The following PDE7A variants were observed in gnomAD, a reference collection of about 807,000 sequenced individuals.
PDE7A encodes the protein high affinity 3',5'-cyclic-AMP phosphodiesterase 7A.
In PDE7A, 39 loss-of-function variants were observed where a neutral mutation model predicts 64.3. The ratio of observed to expected loss-of-function variants is 0.61; its 90% confidence interval spans 0.47 to 0.79. The LOEUF is 0.79. Ranked by LOEUF, PDE7A falls within the 30% of genes least tolerant of loss-of-function variation. PDE7A has a pLI of 0.00. For synonymous variants in PDE7A, 203 were observed against 206.8 expected (o/e 0.98, Z 0.16); for missense variants, 470 against 582.8 (o/e 0.81, Z 1.99).
At chr8:65,814,503 T>A in intron 1 of PDE7A, among the ~76,000 whole-genome samples, 1 of 79,524 alleles carries the variant, frequency 1.3e-5, no homozygotes, top group East Asian at 4.0e-4. Context: ...AGAGCGAGAC[T>A]CCGTCTCAAA....
intron 6 of PDE7A, among the ~76,000 whole-genome samples, chr8:65,736,792 T>TG (rs1387381108): frequency 6.8e-6 from 1 of 147,076 alleles, no homozygotes; most frequent in Non-Finnish European, 1.5e-5. Flanking sequence ...ATTTATCTGT[T>TG]TTTTTTTTTT....
chr8:65,745,433 A>G lies in PDE7A; in HGVS notation c.473T>C (p.Ile158Thr). 2.5e-6 allele frequency: 4 copies of G among 1,574,136 alleles called. No individual in the cohort carries two copies. The highest frequency in any genetic ancestry group is 3.5e-6 in the Non-Finnish European group (4 of 1,143,640). Reference protein sequence around the residue: ...LEKVGNWNFDIFLFDRLTNGN... With the variant: ...LEKVGNWNFDTFLFDRLTNGN... The stretch of plus-strand genomic sequence containing the variant: ...ATTTGTTAGTCTATCAAATAGAAAG[A>G]TATCAAAATTCCAATTTCCAACTTT... Residue 158 changes from isoleucine to threonine, a missense_variant, in exon 5 of 13, where the codon ATC (isoleucine) becomes ACC (threonine). Coordinates refer to ENST00000401827, the MANE Select transcript of PDE7A (RefSeq NM_001242318.3).
At chr8:65,841,333 G>T in intron 1 of PDE7A, 38 bp downstream of exon 1, 1 of 1,482,216 alleles carries the variant, frequency 6.7e-7, no homozygotes, top group Non-Finnish European at 9.0e-7. Flanking sequence ...AAACAAAAGA[G>T]AGAAGCCCTC....
Position 65,727,175 on chromosome 8 carries a change from AT to A in PDE7A, c.822del (p.Leu274PhefsTer20). On this transcript the variant is annotated frameshift_variant, in exon 8 of 13. Transcript: ENST00000401827. LOFTEE classifies it high-confidence loss of function. ...GATGATAAAATTGCACTAACCTTGT[AT>A]AAAGTTGCCAAGTAATGGTTAGTTT... ...LIKTNHYLAT[L>X]YKNTSVLENH... is the part of the protein sequence containing the mutation. The A allele has an allele frequency of 6.4e-7, 1 of 1,574,306 alleles. No individual in the cohort carries two copies. The highest frequency in any genetic ancestry group is 8.7e-7 in the Non-Finnish European group (1 of 1,144,370).
chr8:65,796,106 AAAATAAAT>A (rs201229683), intron 1 of PDE7A, among the ~76,000 whole-genome samples: 1 of 151,520 alleles, frequency 6.6e-6, no homozygotes, highest in Non-Finnish European at 1.5e-5. Flanking sequence ...CAAAAGCCAA[AAAATAAAT>A]AAATAAATAA....
intron 1 of PDE7A, among the ~76,000 whole-genome samples, chr8:65,824,647 A>G (rs961125160): frequency 2.6e-5 from 4 of 152,236 alleles, no homozygotes; most frequent in Non-Finnish European, 5.9e-5. Flanking sequence ...CCATCAACTG[A>G]GGCAAGACCC....
At chr8:65,758,004 T>C (rs1808317982) in intron 3 of PDE7A, among the ~76,000 whole-genome samples, 1 of 152,098 alleles carries the variant, frequency 6.6e-6, no homozygotes. Flanking sequence ...TAGTCCTCCT[T>C]TTCTCCACTT....
At chr8:65,767,419 G>A (rs762014758) in intron 3 of PDE7A, among the ~76,000 whole-genome samples, 1 of 152,166 alleles carries the variant, frequency 6.6e-6, no homozygotes, top group Non-Finnish European at 1.5e-5. Context: ...GTATATATTG[G>A]TTTTCATCCA....
chr8:65,798,122 A>C (rs1010647003), intron 1 of PDE7A, among the ~76,000 whole-genome samples: 5 of 148,854 alleles, frequency 3.4e-5, no homozygotes, highest in African/African-American at 7.4e-5. Flanking sequence ...ACTTGTACCA[A>C]AAAAAGGCAG....
At chr8:65,788,045 A>G (rs996609101) in intron 1 of PDE7A, among the ~76,000 whole-genome samples, 2 of 152,164 alleles carry the variant, frequency 1.3e-5, no homozygotes, top group African/African-American at 4.8e-5. Context: ...TTAAAACATT[A>G]TGTTTAAACG....
chr8:65,808,514 GAGAA>G (rs2128929249), intron 1 of PDE7A, among the ~76,000 whole-genome samples: 1 of 152,188 alleles, frequency 6.6e-6, no homozygotes, highest in South Asian at 2.1e-4. Flanking sequence ...CACACAGTAG[GAGAA>G]AGAATCTATT....
At chr8:65,739,892 T>C (rs1007309440) in intron 5 of PDE7A, among the ~76,000 whole-genome samples, 2 of 152,088 alleles carry the variant, frequency 1.3e-5, no homozygotes, top group Admixed American at 6.5e-5. Flanking sequence ...GAATAGACAA[T>C]AGAAAACTTT....
At chr8:65,788,577 T>C (rs937453548) in intron 1 of PDE7A, among the ~76,000 whole-genome samples, 1 of 152,212 alleles carries the variant, frequency 6.6e-6, no homozygotes, top group African/African-American at 2.4e-5. Flanking sequence ...ATAACTTAAT[T>C]TTATAATCTT....
intron 3 of PDE7A, among the ~76,000 whole-genome samples, chr8:65,766,605 T>C (rs1023109772): frequency 2.0e-5 from 3 of 152,230 alleles, no homozygotes; most frequent in African/African-American, 4.8e-5. Context: ...CAGCCCAGCA[T>C]TGACGTCAGT....
chr8:65,817,006 T>C (rs1810423696), intron 1 of PDE7A, among the ~76,000 whole-genome samples: 1 of 152,220 alleles, frequency 6.6e-6, no homozygotes, highest in African/African-American at 2.4e-5. Flanking sequence ...TTTTCTTCCA[T>C]CCTTTTTCAA....
intron 3 of PDE7A, among the ~76,000 whole-genome samples, chr8:65,759,871 A>T (rs1269623172): frequency 1.3e-5 from 2 of 151,970 alleles, no homozygotes; most frequent in South Asian, 4.1e-4. Flanking sequence ...TTTTTTTTTT[A>T]AGAATTATTT....
At chr8:65,751,053 CAAATT>C (rs1268240986) in intron 3 of PDE7A, among the ~76,000 whole-genome samples, 1 of 152,078 alleles carries the variant, frequency 6.6e-6, no homozygotes, top group African/African-American at 2.4e-5. Flanking sequence ...ATGTCACAGA[CAAATT>C]AAGAAAGGAC....
chr8:65,779,752 G>A lies in PDE7A; in HGVS notation c.251C>T (p.Ser84Phe). ...AATACGAAAATCAATATATGGGTGAGAACCTCTTCTTTCTGATTCAAATCC... is the reference window on the plus strand; with the variant it reads ...AATACGAAAATCAATATATGGGTGAAAACCTCTTCTTTCTGATTCAAATCC... ...RAGFESERRG[S>F]HPYIDFRIFH... The change falls in exon 3 of 13, where the codon TCT (serine) becomes TTT (phenylalanine). Residue 84 changes from serine (S) to phenylalanine (F), a missense_variant. Ser to Phe is a radical substitution (Grantham distance 155, BLOSUM62 -2). Transcript: ENST00000401827. 2 of 1,596,432 alleles carry A rather than the reference G, an allele frequency of 1.3e-6. No individual in the cohort carries two copies. Among genetic ancestry groups the A allele is most frequent in the East Asian group, 2.3e-5 (1 of 43,936 alleles).
chr8:65,765,380 T>C (rs376907679), intron 3 of PDE7A, among the ~76,000 whole-genome samples: 2 of 144,896 alleles, frequency 1.4e-5, no homozygotes, highest in African/African-American at 5.1e-5. Context: ...TCCCAGCTAC[T>C]CGGGAGGCTG....
Sources: allele counts gnomAD v4.1 joint callset (sites outside exome capture counted in the v4.1 genomes callset), GRCh38; gene constraint gnomAD v4.1.1; transcripts MANE v1.5; gene names NCBI Gene and HGNC (gene_info 2026-07-23, HGNC 2026-07-21).